Variants in KCNIP4 observed in about 807,000 individuals in gnomAD.
The protein encoded by KCNIP4 is potassium voltage-gated channel interacting protein 4, also known as Kv channel-interacting protein 4.
In KCNIP4, 12 loss-of-function variants were observed where a neutral mutation model predicts 34.0. That is an observed-to-expected ratio of 0.35 (90% CI 0.23 to 0.57). The LOEUF (loss-of-function observed/expected upper bound fraction) is 0.57, where lower values mean the gene tolerates loss of function less well. KCNIP4 is among the 20% of genes least tolerant of loss of function. The pLI is 0.83. For missense variants in KCNIP4, 238 were observed against 311.7 expected (o/e 0.76, Z 1.78); for synonymous variants, 124 against 102.2 (o/e 1.21, Z -1.29).
intron 1 of KCNIP4, among the ~76,000 whole-genome samples, chr4:21,169,809 C>A (rs1000313910): frequency 2.0e-5 from 3 of 151,904 alleles, no homozygotes; most frequent in African/African-American, 7.3e-5. Context: ...CACTCCCAGC[C>A]TTTGGTCCTG....
At chr4:21,482,642 C>T (rs1731535427) in intron 1 of KCNIP4, among the ~76,000 whole-genome samples, 1 of 152,152 alleles carries the variant, frequency 6.6e-6, no homozygotes, top group Non-Finnish European at 1.5e-5. Context: ...TATTGGCCCC[C>T]ACTCTCTTCT....
intron 1 of KCNIP4, among the ~76,000 whole-genome samples, chr4:21,670,871 C>T (rs569212622): frequency 4.6e-5 from 7 of 151,690 alleles, no homozygotes; most frequent in East Asian, 3.9e-4. Context: ...TTAGCCAGGA[C>T]GGTCTCGATC....
chr4:21,562,233 T>A lies in KCNIP4; in HGVS notation c.61+386338A>T, dbSNP rs560689136. On this transcript the variant is annotated intron_variant, in intron 1 of 8. Transcript: ENST00000382152. ...CCAAAGGTTTAATTTAAAAAAAAAA[T>A]TGCTGAACCCTGGGATACATAAGAC... 6.5e-3 allele frequency among the ~76,000 whole-genome samples: 956 copies of A among 146,402 alleles called. 18 individuals are homozygous for A. Among genetic ancestry groups the A allele is most frequent in the African/African-American group, 0.023 (910 of 39,868 alleles).
intron 1 of KCNIP4, among the ~76,000 whole-genome samples, chr4:21,640,508 T>A (rs1746539995): frequency 6.6e-6 from 1 of 152,148 alleles, no homozygotes; most frequent in Non-Finnish European, 1.5e-5. Context: ...AACCTTGGAA[T>A]CTCTTATTCT....
At chr4:21,860,824 G>A (rs1490032097) in intron 1 of KCNIP4, among the ~76,000 whole-genome samples, 1 of 152,180 alleles carries the variant, frequency 6.6e-6, no homozygotes, top group East Asian at 1.9e-4. Flanking sequence ...ATGTGCTAGT[G>A]TCACAGTCTA....
intron 5 of KCNIP4, among the ~76,000 whole-genome samples, chr4:20,736,336 A>AT: frequency 6.6e-6 from 1 of 151,768 alleles, no homozygotes; most frequent in South Asian, 2.1e-4. Flanking sequence ...GTTCTTTTAC[A>AT]TTTTTTCTCA....
At chr4:21,330,212 G>A (rs982140442) in intron 1 of KCNIP4, among the ~76,000 whole-genome samples, 1 of 152,136 alleles carries the variant, frequency 6.6e-6, no homozygotes, top group Non-Finnish European at 1.5e-5. Flanking sequence ...CGAAATATTT[G>A]ATTAGTACAA....
At chr4:21,569,460 A>G (rs1373289976) in intron 1 of KCNIP4, among the ~76,000 whole-genome samples, 1 of 151,996 alleles carries the variant, frequency 6.6e-6, no homozygotes, top group Admixed American at 6.6e-5. Flanking sequence ...TATGAATTTG[A>G]GGATTCATGA....
At chr4:21,911,230 A>G (rs1315970691) in intron 1 of KCNIP4, among the ~76,000 whole-genome samples, 1 of 152,186 alleles carries the variant, frequency 6.6e-6, no homozygotes, top group Non-Finnish European at 1.5e-5. Flanking sequence ...GGTTTATAAA[A>G]AGATAGCCAA....
chr4:21,919,672 A>T (rs1033324511), intron 1 of KCNIP4, among the ~76,000 whole-genome samples: 6 of 151,958 alleles, frequency 3.9e-5, no homozygotes, highest in Admixed American at 1.3e-4. Flanking sequence ...TCACTTTCCT[A>T]CTCACCTTGC....
intron 3 of KCNIP4, among the ~76,000 whole-genome samples, chr4:20,830,715 G>A (rs1384892158): frequency 6.6e-6 from 1 of 152,032 alleles, no homozygotes; most frequent in East Asian, 1.9e-4. Context: ...CAAATTACAG[G>A]GCCTGTTTGC....
At chr4:21,807,848 A>C (rs1302075504) in intron 1 of KCNIP4, among the ~76,000 whole-genome samples, 1 of 152,202 alleles carries the variant, frequency 6.6e-6, no homozygotes, top group Non-Finnish European at 1.5e-5. Context: ...AAATTTAGCA[A>C]ATTGAAGCCT....
At chr4:21,059,076 C>G (rs1743679580) in intron 1 of KCNIP4, among the ~76,000 whole-genome samples, 1 of 152,108 alleles carries the variant, frequency 6.6e-6, no homozygotes, top group Non-Finnish European at 1.5e-5. Context: ...CCTTCATCTT[C>G]CAGCATGATT....
intron 3 of KCNIP4, among the ~76,000 whole-genome samples, chr4:20,806,438 C>T (rs1176894027): frequency 1.3e-5 from 2 of 151,876 alleles, no homozygotes; most frequent in African/African-American, 4.8e-5. Context: ...AATATTTGAC[C>T]ATAGTTTTCA....
chr4:21,454,238 G>C (rs13129400), intron 1 of KCNIP4, among the ~76,000 whole-genome samples: 17,677 of 152,118 alleles, frequency 0.12, 1,210 homozygotes, highest in Non-Finnish European at 0.16. Context: ...CAACGCTGCT[G>C]AACGAGGTGC....
At chr4:21,708,200 C>A (rs1366300272) in intron 1 of KCNIP4, among the ~76,000 whole-genome samples, 2 of 152,074 alleles carry the variant, frequency 1.3e-5, no homozygotes, top group South Asian at 2.1e-4. Flanking sequence ...TACTACCCTA[C>A]AATTATATAA....
At chr4:21,596,561 T>A (rs373595809) in intron 1 of KCNIP4, among the ~76,000 whole-genome samples, 15 of 152,130 alleles carry the variant, frequency 9.9e-5, no homozygotes, top group East Asian at 9.7e-4. Context: ...CCTATCTCCA[T>A]CTACCTTTCC....
intron 1 of KCNIP4, chr4:21,719,087 G>T (rs1714601482): frequency 6.6e-6 from 1 of 152,168 alleles, no homozygotes; most frequent in African/African-American, 2.4e-5. Context: ...GATCATTGAA[G>T]TAATATTTTC....
At chr4:21,698,382 G>A (rs1466490856) in intron 1 of KCNIP4, among the ~76,000 whole-genome samples, 1 of 152,170 alleles carries the variant, frequency 6.6e-6, no homozygotes, top group Non-Finnish European at 1.5e-5. Context: ...CTAAGAGAAA[G>A]AAGTGCCTCA....
Sources: allele counts gnomAD v4.1 joint callset (sites outside exome capture counted in the v4.1 genomes callset), GRCh38; gene constraint gnomAD v4.1.1; transcripts MANE v1.5; gene names NCBI Gene and HGNC (gene_info 2026-07-23, HGNC 2026-07-21).